The following MSI2 variants were observed in gnomAD, a reference collection of about 807,000 sequenced individuals.
MSI2 encodes the protein musashi RNA binding protein 2, also known as RNA-binding protein Musashi homolog 2.
Under a neutral mutation model 45.6 loss-of-function variants are expected in MSI2, and 17 were observed. The observed-to-expected ratio is 0.37, with a 90% CI of 0.26 to 0.56. The LOEUF (loss-of-function observed/expected upper bound fraction) is 0.56. MSI2 is among the 20% of genes least tolerant of loss of function. The pLI, the probability that MSI2 is intolerant of heterozygous loss-of-function variation, is 0.77. For synonymous variants in MSI2, 156 were observed against 158.2 expected, an observed-to-expected ratio of 0.99 and a Z score of 0.11; for missense variants, 293 against 444.2, an observed-to-expected ratio of 0.66 and a Z score of 3.06.
chr17:57,270,481 T>A (rs1299166428), intron 5 of MSI2, among the ~76,000 whole-genome samples: 3 of 152,240 alleles, frequency 2.0e-5, no homozygotes, highest in Non-Finnish European at 4.4e-5. Flanking sequence ...ATGCTCAGGC[T>A]GAGGAATAGA....
At position 57,578,712 on chromosome 17, in the gene MSI2, G is replaced by A. The variant is rs374096126; in HGVS notation, c.455-18156G>A. 2.0e-5 allele frequency among the ~76,000 whole-genome samples: 3 copies of A among 152,080 alleles called. No homozygotes were observed. In the East Asian group the frequency reaches 5.8e-4, roughly 29 times the overall value. ...CCATTCTCAGGGGCCAGCAGTGTGG[G>A]TTGGTGTGATTAGTTGCCTTGCTAC... On this transcript the variant is annotated intron_variant, in intron 7 of 13. Transcript: ENST00000284073.
chr17:57,688,918 T>G (rs1424975443), downstream of MSI2, among the ~76,000 whole-genome samples: 1 of 152,140 alleles, frequency 6.6e-6, no homozygotes, highest in Non-Finnish European at 1.5e-5. Context: ...AAATACAAAT[T>G]TTCAAACAAA....
intron 8 of MSI2, among the ~76,000 whole-genome samples, chr17:57,603,448 C>T (rs1906147190): frequency 6.6e-6 from 1 of 152,220 alleles, no homozygotes; most frequent in African/African-American, 2.4e-5. Flanking sequence ...CTGTCTGCAC[C>T]AGTTTGCTCC....
intron 5 of MSI2, among the ~76,000 whole-genome samples, chr17:57,268,818 G>A (rs1160667727): frequency 2.0e-5 from 3 of 152,044 alleles, no homozygotes; most frequent in Non-Finnish European, 4.4e-5. Flanking sequence ...CTAGGTAACA[G>A]AGCGAGACTC....
chr17:57,566,514 C>G (rs2087735916), intron 7 of MSI2, among the ~76,000 whole-genome samples: 1 of 152,112 alleles, frequency 6.6e-6, no homozygotes, highest in Non-Finnish European at 1.5e-5. Context: ...GGCATTGGGG[C>G]CCGGTATTTC....
intron 8 of MSI2, among the ~76,000 whole-genome samples, chr17:57,605,305 G>GCC (rs1291744417): frequency 6.6e-6 from 1 of 152,250 alleles, no homozygotes; most frequent in Non-Finnish European, 1.5e-5. Context: ...GGGTGGTTCG[G>GCC]TGGTAAATGT....
Position 57,627,172 on chromosome 17 carries a change from C to T in MSI2, c.653-57C>T. 1 of 1,494,954 alleles carries T rather than the reference C, an allele frequency of 6.7e-7. No individual in the cohort carries two copies. Among genetic ancestry groups the T allele is most frequent in the South Asian group, 1.1e-5 (1 of 88,528 alleles). 92.6% of individuals were successfully genotyped at this position (1,494,954 alleles called of 1,614,324 possible). ...CATTGCCACCCTCCGTGAGATTTTA[C>T]CCCAGACCTGAGGCGGCTGTACTAA... On this transcript the variant is annotated intron_variant, in intron 9 of 13. Coordinates refer to ENST00000284073, the MANE Select transcript of MSI2 (RefSeq NM_138962.4). The surrounding 1 kb of genome is among the most constrained non-coding windows in gnomAD (Gnocchi z 4.6).
chr17:57,618,763 C>T lies in MSI2; in HGVS notation c.652+2679C>T, dbSNP rs551934184. Among the ~76,000 whole-genome samples, 5 of 152,076 alleles carry T rather than the reference C, an allele frequency of 3.3e-5. No individual in the cohort carries two copies. The East Asian group carries it at 9.7e-4, about 30-fold the overall frequency. On this transcript the variant is annotated intron_variant, in intron 9 of 13. Transcript: ENST00000284073. The stretch of plus-strand genomic sequence containing the variant: ...TTCACCATGTTGGCCAGGATGGTCT[C>T]GATCTCTTGACCTTGTGATCCACCC...
intron 6 of MSI2, among the ~76,000 whole-genome samples, chr17:57,417,932 G>A (rs10852998): frequency 0.11 from 16,521 of 152,180 alleles, 1,135 homozygotes; most frequent in Non-Finnish European, 0.16. Flanking sequence ...TTTCACAATT[G>A]TTCCTTCCTC....
intron 10 of MSI2, among the ~76,000 whole-genome samples, chr17:57,634,752 G>T (rs1567951191): frequency 6.6e-6 from 1 of 152,168 alleles, no homozygotes; most frequent in African/African-American, 2.4e-5. Flanking sequence ...TGTAAAAGAA[G>T]CCTGGATGTG....
chr17:57,636,326 G>A (rs891328452), intron 10 of MSI2, among the ~76,000 whole-genome samples: 3 of 152,160 alleles, frequency 2.0e-5, no homozygotes, highest in Non-Finnish European at 4.4e-5. Context: ...GATCTGTCTG[G>A]TCATTGACAT....
intron 6 of MSI2, among the ~76,000 whole-genome samples, chr17:57,403,992 G>T (rs952025675): frequency 1.3e-5 from 2 of 151,964 alleles, no homozygotes; most frequent in African/African-American, 4.8e-5. Flanking sequence ...ACACACATGT[G>T]TACACCCCCT....
intron 5 of MSI2, among the ~76,000 whole-genome samples, chr17:57,315,860 A>G (rs1025042724): frequency 1.3e-5 from 2 of 151,862 alleles, no homozygotes; most frequent in Non-Finnish European, 2.9e-5. Flanking sequence ...AATGCATTTC[A>G]CCCCACAGAG....
At chr17:57,448,278 C>T (rs1052155731) in intron 6 of MSI2, 15 of 152,178 alleles carry the variant, frequency 9.9e-5, no homozygotes, top group Non-Finnish European at 2.2e-4. Context: ...TTTTTCTTTT[C>T]CATTAACACT....
At chr17:57,570,076 A>G (rs1490951909) in intron 7 of MSI2, among the ~76,000 whole-genome samples, 1 of 152,362 alleles carries the variant, frequency 6.6e-6, no homozygotes, top group African/African-American at 2.4e-5. Flanking sequence ...GGATGATTAC[A>G]CATCCATTAA....
At chr17:57,690,618 G>C in the MSI2 span, among the ~76,000 whole-genome samples, 16 of 152,090 alleles carry the variant, frequency 1.1e-4, no homozygotes, top group Non-Finnish European at 1.6e-4. Flanking sequence ...GACCCTGTCT[G>C]TCTCTATTTT....
At chr17:57,430,313 A>G (rs1252089635) in intron 6 of MSI2, among the ~76,000 whole-genome samples, 2 of 152,172 alleles carry the variant, frequency 1.3e-5, no homozygotes, top group African/African-American at 2.4e-5. Flanking sequence ...ATTAATTAGT[A>G]TAAACATTTT....
At chr17:57,584,644 T>TAACC (rs1336542544) in intron 7 of MSI2, among the ~76,000 whole-genome samples, 2 of 152,202 alleles carry the variant, frequency 1.3e-5, no homozygotes, top group Non-Finnish European at 2.9e-5. Context: ...CTGCGGCTGG[T>TAACC]AACCATTCCT....
At chr17:57,686,317 A>T (rs941394034), downstream of MSI2, among the ~76,000 whole-genome samples, 11 of 152,204 alleles carry the variant, frequency 7.2e-5, no homozygotes, top group Middle Eastern at 3.2e-3. Flanking sequence ...GAGAAAAAAT[A>T]AAAAAATAAA....
Sources: gnomAD v4.1 joint callset for allele counts (sites outside exome capture counted in the v4.1 genomes callset) on GRCh38, gnomAD v4.1.1 for gene constraint, Gnocchi (gnomAD v3.1) non-coding constraint, MANE v1.5 for transcripts, NCBI Gene and HGNC (gene_info 2026-07-23, HGNC 2026-07-21) for gene names.